The following SYNRG variants were observed in gnomAD, a reference collection of about 807,000 sequenced individuals.
SYNRG encodes the protein AP1 gamma subunit binding protein 1.
In SYNRG, 37 loss-of-function variants were observed where a neutral mutation model predicts 130.9. The observed-to-expected ratio is 0.28, with a 90% CI of 0.22 to 0.37. The LOEUF (loss-of-function observed/expected upper bound fraction) is 0.37, where lower values mean the gene tolerates loss of function less well. SYNRG is among the 10% of genes least tolerant of loss of function. The pLI, the probability that SYNRG is intolerant of heterozygous loss-of-function variation, is 1.00. For missense variants in SYNRG, 1,338 were observed against 1,588.9 expected (o/e 0.84, Z 2.68); for synonymous variants, 539 against 568.1 (o/e 0.95, Z 0.73).
rs1274543204 is a variant in SYNRG, at chr17:37,594,515, T to C, written c.240+1708A>G. On this transcript the variant is annotated intron_variant, in intron 3 of 21. Transcript: ENST00000612223. ...TCTCACTCTGTCGCCCAGGCGGGAGTGCAGTGGCGCAATCTCAGCTCACTG... is the reference window on the plus strand; with the variant it reads ...TCTCACTCTGTCGCCCAGGCGGGAGCGCAGTGGCGCAATCTCAGCTCACTG... Among the ~76,000 whole-genome samples the C allele has an allele frequency of 4.8e-5, 7 of 146,002 alleles. No individual in the cohort carries two copies. In the East Asian group the frequency reaches 1.2e-3, roughly 26 times the overall value.
At chr17:37,590,120 G>A (rs1487703070) in intron 3 of SYNRG, among the ~76,000 whole-genome samples, 1 of 149,978 alleles carries the variant, frequency 6.7e-6, no homozygotes, top group Admixed American at 6.7e-5. Context: ...GCAGTGAGCT[G>A]AGATTGCGCC....
At chr17:37,561,380 T>A (rs768354429) in intron 12 of SYNRG, 91 bp downstream of exon 12, 26 of 1,423,802 alleles carry the variant, frequency 1.8e-5, no homozygotes, top group Non-Finnish European at 2.5e-5. Flanking sequence ...TTTTACATAT[T>A]TAGCACAGAA....
rs577087590 is a variant in SYNRG at position 37,520,658 on chromosome 17, C to T, written c.3667-10G>A. On this transcript the variant is annotated splice_polypyrimidine_tract_variant and intron_variant, in intron 19 of 21. Coordinates refer to ENST00000612223, the MANE Select transcript of SYNRG (RefSeq NM_007247.6). ...GCGAGTTTTCATCTGGCTGTGAGGA[C>T]GACAAGACAAATGGGTAAGAAGTCC... 9.9e-6 allele frequency: 16 copies of T among 1,611,932 alleles called. No homozygotes were observed. The highest frequency in any genetic ancestry group is 5.5e-5 in the South Asian group (5 of 91,026).
At chr17:37,583,520 G>A (rs962758240) in intron 6 of SYNRG, among the ~76,000 whole-genome samples, 2 of 152,050 alleles carry the variant, frequency 1.3e-5, no homozygotes, top group Non-Finnish European at 2.9e-5. Context: ...ATTCCCTCTT[G>A]ATATCACCCA....
intron 6 of SYNRG, among the ~76,000 whole-genome samples, chr17:37,578,023 C>A (rs2060991500): frequency 1.3e-5 from 2 of 151,656 alleles, no homozygotes; most frequent in Non-Finnish European, 2.9e-5. Context: ...TAAAGGGAGG[C>A]CCTGCCACGT....
intron 2 of SYNRG, among the ~76,000 whole-genome samples, chr17:37,600,078 C>T (rs1460721206): frequency 6.6e-6 from 1 of 152,198 alleles, no homozygotes; most frequent in Admixed American, 6.5e-5. Context: ...TGTTCTTTAA[C>T]ATTCTTGTCC....
chr17:37,551,095 G>A (rs1222819748), intron 14 of SYNRG, among the ~76,000 whole-genome samples: 2 of 152,190 alleles, frequency 1.3e-5, no homozygotes, highest in Admixed American at 6.5e-5. Flanking sequence ...ATTAAGGTCC[G>A]CAGATAGCAA....
In SYNRG at chr17:37,541,357, C is replaced by T. The variant is rs115260412; in HGVS notation, c.3202+615G>A. The T allele has an allele frequency of 1.6e-3, 1,012 of 634,074 alleles. 9 individuals carry two copies. In the African/African-American group the frequency reaches 0.018, roughly 11 times the overall value. The allele number at this position is 634,074 out of a possible 1,614,324, so 39.3% of individuals were successfully genotyped here. On this transcript the variant is annotated intron_variant, in intron 15 of 21. Coordinates refer to ENST00000612223, the MANE Select transcript of SYNRG (RefSeq NM_007247.6). ...TAAGTAGGTCCGCTGAGACAGGAAG[C>T]GGTGGGGATTATGGTAGGAGAGAGA...
At chr17:37,522,390 C>T (rs1387252176) in intron 19 of SYNRG, among the ~76,000 whole-genome samples, 3 of 152,028 alleles carry the variant, frequency 2.0e-5, no homozygotes, top group Admixed American at 6.6e-5. Context: ...ATCCTGAACT[C>T]CTGGGCTCAA....
rs772044635 is a variant in SYNRG at position 37,525,579 on chromosome 17, C to G, written c.3667-4931G>C. Among the ~76,000 whole-genome samples the G allele has an allele frequency of 9.2e-5, 14 of 152,042 alleles. 1 individual carries two copies. The highest frequency in any genetic ancestry group is 2.6e-4 in the Admixed American group (4 of 15,248). ...GGAGTATGGTGGCTCACACCTGTAA[C>G]CCCAGCACTTTGGGAGGCCGAGGTG... On this transcript the variant is annotated intron_variant, in intron 19 of 21. Transcript: ENST00000612223.
rs762500977 is a variant in SYNRG, at chr17:37,586,493, T to G, written c.297A>C (p.Ala99=). ...CTGGAGGACGCATGCCCAGGAAGGG[T>G]GCTTGTCCTAGGTAAGGCATTCCCG... is the stretch of plus-strand genomic sequence containing the variant. ...PAAGMPYLGQ[A]PFLGMRPPGP... The change falls in exon 4 of 22, where the codon GCA becomes GCC. Residue 99 remains alanine (A), a synonymous_variant. Coordinates refer to ENST00000612223, the MANE Select transcript of SYNRG (RefSeq NM_007247.6). The G allele has an allele frequency of 3.7e-6, 6 of 1,614,032 alleles. No individual in the cohort carries two copies. The African/African-American group carries it at 8.0e-5, about 22-fold the overall frequency.
intron 1 of SYNRG, among the ~76,000 whole-genome samples, chr17:37,608,041 G>T (rs2063965421): frequency 6.7e-6 from 1 of 149,834 alleles, no homozygotes; most frequent in Admixed American, 6.7e-5. Context: ...TTCTTCTCCA[G>T]CCAGAAACTG....
rs998543427 is a variant in SYNRG, at chr17:37,538,384, T to C, written c.3457A>G (p.Ser1153Gly). The part of the protein sequence containing the change: ...KKANDTLNGI[S>G]SSSVCTEVIQ... ...ACTTCTGTGCAAACAGAACTACTAC[T>C]GATTCCATTTAAGGTATCATTTGCC... is the stretch of plus-strand genomic sequence containing the variant. Residue 1153 changes from serine to glycine, a missense_variant, in exon 18 of 22, where the codon AGT (serine) becomes GGT (glycine). By Grantham distance (56) the Ser-to-Gly change is moderately conservative (BLOSUM62 0). Transcript: ENST00000612223. 1.2e-6 allele frequency: 2 copies of C among 1,611,584 alleles called. No homozygotes were observed. Among genetic ancestry groups the C allele is most frequent in the Admixed American group, 3.4e-5 (2 of 59,358 alleles).
chr17:37,592,654 C>T (rs1436852686), intron 3 of SYNRG, among the ~76,000 whole-genome samples: 2 of 152,132 alleles, frequency 1.3e-5, no homozygotes, highest in African/African-American at 2.4e-5. Context: ...TTATTCTAAG[C>T]GACAAACGCC....
chr17:37,545,963 G>T (rs763202974), intron 14 of SYNRG, among the ~76,000 whole-genome samples: 20 of 152,146 alleles, frequency 1.3e-4, no homozygotes, highest in Non-Finnish European at 2.6e-4. Context: ...TAATTACAGG[G>T]CAGTATGTTC....
At chr17:37,577,819 C>G (rs992635374) in intron 6 of SYNRG, among the ~76,000 whole-genome samples, 2 of 150,540 alleles carry the variant, frequency 1.3e-5, no homozygotes, top group Non-Finnish European at 1.5e-5. Context: ...CTGCCTCAGC[C>G]TCCTTAGTAG....
chr17:37,531,902 A>C (rs1248606278), intron 19 of SYNRG, among the ~76,000 whole-genome samples: 1 of 152,222 alleles, frequency 6.6e-6, no homozygotes, highest in Non-Finnish European at 1.5e-5. Context: ...GCTCCTTTAC[A>C]AAATGGCTGC....
chr17:37,563,930 C>T (rs1357834116), intron 11 of SYNRG, among the ~76,000 whole-genome samples: 2 of 151,666 alleles, frequency 1.3e-5, no homozygotes, highest in Non-Finnish European at 2.9e-5. Flanking sequence ...CTGCAAACTC[C>T]ACCTGCCAAG....
chr17:37,584,370 A>G (rs1275306510), intron 6 of SYNRG: 3 of 299,914 alleles, frequency 1.0e-5, no homozygotes, highest in African/African-American at 2.2e-5. Flanking sequence ...AATAGATTTT[A>G]CTAATGTTAA....
Sources: gnomAD v4.1 joint callset for allele counts (sites outside exome capture counted in the v4.1 genomes callset) on GRCh38, gnomAD v4.1.1 for gene constraint, MANE v1.5 for transcripts, NCBI Gene and HGNC (gene_info 2026-07-23, HGNC 2026-07-21) for gene names.